Variants in CNBD2 observed in about 807,000 individuals in gnomAD.
CNBD2 encodes the protein cyclic nucleotide-binding domain-containing protein 2.
Under a neutral mutation model 63.7 loss-of-function variants are expected in CNBD2, and 64 were observed. The observed-to-expected ratio is 1.00, with a 90% CI of 0.82 to 1.24. The LOEUF is 1.24. Among genes scored for constraint, CNBD2 ranks in the 50% most tolerant of loss-of-function variants. CNBD2 has a pLI of 0.00. For synonymous variants in CNBD2, 229 were observed against 255.4 expected, an observed-to-expected ratio of 0.90 and a Z score of 0.99; for missense variants, 691 against 713.5, an observed-to-expected ratio of 0.97 and a Z score of 0.36.
At chr20:35,994,778 A>G (rs553184903) in intron 7 of CNBD2, among the ~76,000 whole-genome samples, 2 of 151,998 alleles carry the variant, frequency 1.3e-5, no homozygotes, top group South Asian at 4.2e-4. Context: ...AATCCCAGCT[A>G]CTCAGGAGGC....
chr20:35,975,337 G>A (rs1244712322), intron 2 of CNBD2, among the ~76,000 whole-genome samples: 1 of 116,044 alleles, frequency 8.6e-6, no homozygotes, highest in African/African-American at 3.4e-5. Flanking sequence ...GTCTTGCTCT[G>A]TTGCCCAGGC....
At chr20:36,027,448 A>AT (rs946656998) in intron 11 of CNBD2, among the ~76,000 whole-genome samples, 2 of 152,162 alleles carry the variant, frequency 1.3e-5, no homozygotes, top group Non-Finnish European at 2.9e-5. Flanking sequence ...GTAGATCAGT[A>AT]TTTTTTAAAG....
rs772911487 is a variant in CNBD2, at chr20:36,008,466, G to A, written c.1140G>A (p.Pro380=). Residue 380 remains proline, a synonymous_variant, in exon 9 of 12, where the codon CCG becomes CCA. Coordinates refer to ENST00000373973, the MANE Select transcript of CNBD2 (RefSeq NM_001365709.1). The part of the protein sequence containing the change: ...SGDTLPKMLG[P]KIQSRPAQSI... ...ACACTCTCCCCAAGATGCTGGGCCC[G>A]AAGATCCAGTAAGCTCAGCCCTGGG... 13 of 1,610,166 alleles carry A rather than the reference G, an allele frequency of 8.1e-6. No homozygotes were observed. Among genetic ancestry groups the A allele is most frequent in the Middle Eastern group, 1.7e-4 (1 of 6,048 alleles).
chr20:36,007,319 T>A (rs1276966833), intron 8 of CNBD2, among the ~76,000 whole-genome samples: 7 of 152,204 alleles, frequency 4.6e-5, no homozygotes, highest in Admixed American at 6.5e-5. Flanking sequence ...CGAGTTTTTT[T>A]AAATTTCATT....
chr20:36,011,298 C>G, intron 10 of CNBD2, 41 bp downstream of exon 10: 1 of 1,458,854 alleles, frequency 6.9e-7, no homozygotes, highest in South Asian at 1.5e-5. Context: ...GAGTACGTAA[C>G]ATGAATGGGC....
At chr20:36,001,572 C>G (rs530622515) in intron 8 of CNBD2, among the ~76,000 whole-genome samples, 2 of 149,624 alleles carry the variant, frequency 1.3e-5, no homozygotes, top group Non-Finnish European at 3.0e-5. Context: ...GGGTGGCTGC[C>G]GGGCGGAGGG....
intron 10 of CNBD2, among the ~76,000 whole-genome samples, chr20:36,013,411 C>T (rs2057089717): frequency 6.6e-6 from 1 of 151,854 alleles, no homozygotes; most frequent in African/African-American, 2.4e-5. Context: ...GAGCGAGACT[C>T]CATCTCAAAA....
chr20:35,981,689 C>T (rs555853230), intron 4 of CNBD2, among the ~76,000 whole-genome samples: 2 of 152,270 alleles, frequency 1.3e-5, no homozygotes. Context: ...ATTCTTCCAC[C>T]TCAGCCTCCC....
chr20:35,961,227 G>A (rs1482784489), intron 2 of CNBD2, among the ~76,000 whole-genome samples: 1 of 152,112 alleles, frequency 6.6e-6, no homozygotes, highest in Non-Finnish European at 1.5e-5. Flanking sequence ...CACCACGCCC[G>A]GCCTCTTGGC....
upstream of CNBD2, among the ~76,000 whole-genome samples, chr20:35,966,124 A>T (rs1287078113): frequency 1.3e-5 from 2 of 151,948 alleles, no homozygotes; most frequent in East Asian, 3.9e-4. Context: ...TTTGAAGGGG[A>T]TCCTCTTATA....
chr20:35,967,239 CTTTTTTTTTTTTTTT>C (rs141881380), upstream of CNBD2, among the ~76,000 whole-genome samples: 4 of 86,992 alleles, frequency 4.6e-5, no homozygotes, highest in Non-Finnish European at 8.4e-5. Flanking sequence ...CCCCCTCCCG[CTTTTTTTTTTTTTTT>C]TTTTTTTTTT....
intron 10 of CNBD2, among the ~76,000 whole-genome samples, chr20:36,020,257 AT>A (rs1225012665): frequency 6.6e-6 from 1 of 151,850 alleles, no homozygotes; most frequent in African/African-American, 2.4e-5. Flanking sequence ...AATTTTCTGT[AT>A]TTTTAATAGA....
chr20:35,985,329 C>T (rs2056653464), intron 6 of CNBD2, among the ~76,000 whole-genome samples: 1 of 151,434 alleles, frequency 6.6e-6, no homozygotes, highest in African/African-American at 2.4e-5. Context: ...CCACATCCAG[C>T]TAATTGTTCT....
chr20:35,960,746 C>G (rs1328497105), intron 2 of CNBD2, among the ~76,000 whole-genome samples: 2 of 74,714 alleles, frequency 2.7e-5, no homozygotes. Context: ...CTCTTCCCTT[C>G]TCTTCCCTTC....
At position 36,011,151 on chromosome 20, in the gene CNBD2, A is replaced by C. The variant is rs2057053799; in HGVS notation, c.1163A>C (p.Gln388Pro). Residue 388 changes from glutamine to proline, a missense_variant, in exon 10 of 12, where the codon CAG becomes CCG. By Grantham distance (76) the Gln-to-Pro change is moderately conservative (BLOSUM62 -1). Coordinates refer to ENST00000373973, the MANE Select transcript of CNBD2 (RefSeq NM_001365709.1). Reference sequence around the variant, plus strand: ...TCACATTTCAGATCCAGGCCTGCTCAGTCGATCAAATGTGCCATGATCAAT... The same window carrying C: ...TCACATTTCAGATCCAGGCCTGCTCCGTCGATCAAATGTGCCATGATCAAT... ...LGPKIQSRPA[Q>P]SIKCAMINIK... is the part of the protein sequence containing the mutation. The C allele has an allele frequency of 6.3e-7, 1 of 1,581,390 alleles. No homozygotes were observed. The highest frequency in any genetic ancestry group is 2.3e-5 in the East Asian group (1 of 42,894).
Position 35,968,769 on chromosome 20 carries a change from A to G in CNBD2, c.7A>G (p.Arg3Gly). The part of the protein sequence containing the change: MR[R>G]HMVTYAWQLL... Reference sequence around the variant, plus strand: ...ATTTGCCTGCACAGGAACCATGAGGAGACATATGGTAACTTATGCCTGGCA... The same window carrying G: ...ATTTGCCTGCACAGGAACCATGAGGGGACATATGGTAACTTATGCCTGGCA... Residue 3 changes from arginine to glycine, a missense_variant, in exon 1 of 12, where the codon AGA becomes GGA. Transcript: ENST00000373973. 1 of 1,608,774 alleles carries G rather than the reference A, an allele frequency of 6.2e-7. No homozygotes were observed. The highest frequency in any genetic ancestry group is 1.3e-5 in the African/African-American group (1 of 75,034).
At chr20:35,959,781 C>T (rs1490045203), downstream of CNBD2, among the ~76,000 whole-genome samples, 1 of 152,190 alleles carries the variant, frequency 6.6e-6, no homozygotes, top group African/African-American at 2.4e-5. Context: ...TGCCCAGGTT[C>T]AGCCAATCCA....
chr20:35,965,477 C>T (rs1396070930), upstream of CNBD2, among the ~76,000 whole-genome samples: 3 of 152,084 alleles, frequency 2.0e-5, no homozygotes, highest in African/African-American at 7.2e-5. Context: ...CGCGCTTGGC[C>T]GAATCTTCTC....
chr20:35,965,158 A>C (rs2056335657), upstream of CNBD2, among the ~76,000 whole-genome samples: 2 of 151,680 alleles, frequency 1.3e-5, 1 homozygote, highest in Admixed American at 1.3e-4. Context: ...GCAAAACAAT[A>C]AGAATCTTCT....
Sources: allele counts gnomAD v4.1 joint callset (sites outside exome capture counted in the v4.1 genomes callset), GRCh38; gene constraint gnomAD v4.1.1; transcripts MANE v1.5; gene names NCBI Gene and HGNC (gene_info 2026-07-23, HGNC 2026-07-21).